COPG2: variants seen among roughly 807,000 people sequenced by gnomAD.
COPG2 encodes the protein coat protein complex I subunit gamma 2, also known as coatomer subunit gamma-2.
COPG2 carries 37 observed loss-of-function variants against 46.3 expected under a neutral mutation model. The observed-to-expected ratio is 0.80, with a 90% CI of 0.61 to 1.05. The LOEUF is 1.05. Among genes scored for constraint, COPG2 ranks in the 50% least tolerant of loss-of-function variants. COPG2 has a pLI of 0.00. For synonymous variants in COPG2, 159 were observed against 129.7 expected, an observed-to-expected ratio of 1.23 and a Z score of -1.53; for missense variants, 427 against 387.8, an observed-to-expected ratio of 1.10 and a Z score of -0.85.
At chr7:130,523,881 G>A (rs1025171782) in intron 20 of COPG2, among the ~76,000 whole-genome samples, 2 of 151,962 alleles carry the variant, frequency 1.3e-5, no homozygotes. Context: ...ACTGACAGGA[G>A]CACCCAGGAG....
intron 4 of COPG2, among the ~76,000 whole-genome samples, chr7:130,655,550 T>C (rs1293195581): frequency 6.6e-6 from 1 of 152,152 alleles, no homozygotes; most frequent in African/African-American, 2.4e-5. Context: ...GATCATGGAA[T>C]CCCTCCCTCT....
rs183828573 is a variant in COPG2 at position 130,610,766 on chromosome 7, C to T, written c.737+187G>A. 7 of 685,350 alleles carry T rather than the reference C, an allele frequency of 1.0e-5. No individual in the cohort carries two copies. The East Asian group carries it at 1.3e-4, about 13-fold the overall frequency. The allele number at this position is 685,350 out of a possible 1,614,324, so 42.5% of individuals were successfully genotyped here. ...TGCTATTAATAATTAAGTACATATA[C>T]AAGAGCATACAGTAAGGTTAAAAAA... On this transcript the variant is annotated intron_variant, in intron 9 of 23. Transcript: ENST00000425248.
intron 14 of COPG2, 22 bp from the exon 15 acceptor site, chr7:130,552,452 T>C: frequency 2.5e-6 from 1 of 398,368 alleles, no homozygotes; most frequent in Non-Finnish European, 4.4e-6. Flanking sequence ...CATACAATTA[T>C]GGTACATAAA....
chr7:130,517,644 A>G (rs1799690371), intron 20 of COPG2, among the ~76,000 whole-genome samples: 1 of 152,186 alleles, frequency 6.6e-6, no homozygotes, highest in African/African-American at 2.4e-5. Flanking sequence ...TTTCTTGAGG[A>G]CTGGTAGGGA....
intron 9 of COPG2, among the ~76,000 whole-genome samples, chr7:130,585,045 C>T (rs931509651): frequency 6.6e-6 from 1 of 151,978 alleles, no homozygotes; most frequent in Admixed American, 6.6e-5. Context: ...CTGGAGGCAT[C>T]ACATTACCTG....
intron 20 of COPG2, among the ~76,000 whole-genome samples, chr7:130,520,367 G>GA (rs1799714421): frequency 1.3e-5 from 2 of 151,978 alleles, no homozygotes; most frequent in African/African-American, 4.8e-5. Flanking sequence ...TTGGTTGGAG[G>GA]AAAAAAATGT....
chr7:130,613,407 AACAC>A, intron 7 of COPG2, 133 bp downstream of exon 7: 3 of 629,838 alleles, frequency 4.8e-6, no homozygotes, highest in African/African-American at 2.1e-5. Context: ...CTCTAGATAA[AACAC>A]ACTTGGATAA....
intron 12 of COPG2, among the ~76,000 whole-genome samples, chr7:130,555,793 G>A (rs1441815389): frequency 6.6e-6 from 1 of 152,064 alleles, no homozygotes; most frequent in African/African-American, 2.4e-5. Flanking sequence ...TCGCACCACT[G>A]CACTCCAGCC....
At position 130,667,470 on chromosome 7, in the gene COPG2, T is replaced by TC; in HGVS notation, c.90+11dup. The stretch of plus-strand genomic sequence containing the variant: ...TAGAAAAGAAAGGGCACAAGATACT[T>TC]CCCAGTCATACCTCCTGTAAAACAG... On this transcript the variant is annotated intron_variant, in intron 2 of 23. Transcript: ENST00000425248. 3.1e-6 allele frequency: 5 copies of TC among 1,610,842 alleles called. No individual in the cohort carries two copies. The highest frequency in any genetic ancestry group is 4.2e-6 in the Non-Finnish European group (5 of 1,177,250).
intron 9 of COPG2, among the ~76,000 whole-genome samples, chr7:130,603,306 T>C (rs1052616652): frequency 2.0e-5 from 3 of 152,240 alleles, no homozygotes; most frequent in Non-Finnish European, 4.4e-5. Flanking sequence ...TGGTGAGATG[T>C]ATTTATGTGA....
At position 130,542,520 on chromosome 7, in the gene COPG2, C is replaced by T. The variant is rs1052505333; in HGVS notation, c.2149+5154G>A. ...TGGCAGTGGTGTCATCAGTGGGGGGCAGGGCAGGAAGGGGTCAGAGTTCAG... is the reference window on the plus strand; with the variant it reads ...TGGCAGTGGTGTCATCAGTGGGGGGTAGGGCAGGAAGGGGTCAGAGTTCAG... On this transcript the variant is annotated intron_variant, in intron 20 of 23. Coordinates refer to ENST00000425248, the MANE Select transcript of COPG2 (RefSeq NM_012133.6). 3.4e-4 allele frequency among the ~76,000 whole-genome samples: 51 copies of T among 151,978 alleles called. No individual in the cohort carries two copies. In the East Asian group the frequency reaches 8.7e-3, roughly 26 times the overall value.
Position 130,631,078 on chromosome 7 carries a change from T to A in COPG2, c.324-14013A>T, listed in dbSNP as rs576823867. ...AAGTGTTTAGAATAGGTGCCTTTAATGTAATTATTGATATGGTTGGGTTGG... is the reference window on the plus strand; with the variant it reads ...AAGTGTTTAGAATAGGTGCCTTTAAAGTAATTATTGATATGGTTGGGTTGG... On this transcript the variant is annotated intron_variant, in intron 5 of 23. Coordinates refer to ENST00000425248, the MANE Select transcript of COPG2 (RefSeq NM_012133.6). Among the ~76,000 whole-genome samples, 108 of 152,314 alleles carry A rather than the reference T, an allele frequency of 7.1e-4. No homozygotes were observed. In the South Asian group the frequency reaches 0.011, roughly 16 times the overall value.
At chr7:130,610,885 G>T (rs781876528) in intron 9 of COPG2, 68 bp downstream of exon 9, 2 of 1,527,038 alleles carry the variant, frequency 1.3e-6, no homozygotes, top group Non-Finnish European at 1.8e-6. Flanking sequence ...ATTCAAAAAG[G>T]AAATAAACTC....
intron 20 of COPG2, among the ~76,000 whole-genome samples, chr7:130,524,914 T>C (rs1357485193): frequency 2.6e-5 from 4 of 152,092 alleles, no homozygotes; most frequent in Non-Finnish European, 4.4e-5. Flanking sequence ...AAACAGCAGA[T>C]GGACTCAGTA....
At chr7:130,542,482 A>C (rs1793349044) in intron 20 of COPG2, among the ~76,000 whole-genome samples, 2 of 152,090 alleles carry the variant, frequency 1.3e-5, no homozygotes, top group African/African-American at 4.8e-5. Context: ...CAGCAGGTTG[A>C]GGACATGGAA....
In COPG2 at chr7:130,603,572, T is replaced by C. The variant is rs2116485715; in HGVS notation, c.737+7381A>G. ...CCGTCTCTACTAAAAATACAAAAAA[T>C]TAGCAGGGTGTGGTGGTGCGTGCCT... On this transcript the variant is annotated intron_variant, in intron 9 of 23. Transcript: ENST00000425248. 3.3e-5 allele frequency among the ~76,000 whole-genome samples: 5 copies of C among 151,762 alleles called. No individual in the cohort carries two copies. The South Asian group carries it at 1.0e-3, about 32-fold the overall frequency.
chr7:130,646,286 G>A (rs1325292242), intron 5 of COPG2, among the ~76,000 whole-genome samples: 5 of 152,188 alleles, frequency 3.3e-5, no homozygotes, highest in Admixed American at 2.6e-4. Context: ...TGCTGAAGAC[G>A]AAGGGCTTCA....
At chr7:130,507,099 C>T (rs782595477) in intron 23 of COPG2, among the ~76,000 whole-genome samples, 175 bp downstream of exon 23, 1 of 152,136 alleles carries the variant, frequency 6.6e-6, no homozygotes, top group Non-Finnish European at 1.5e-5. Context: ...AAATGTACAT[C>T]TTAAAAGAAT....
At chr7:130,642,063 A>C (rs1795500912) in intron 5 of COPG2, among the ~76,000 whole-genome samples, 1 of 151,870 alleles carries the variant, frequency 6.6e-6, no homozygotes, top group African/African-American at 2.4e-5. Context: ...AGAATTCTCA[A>C]TTCTCTCAAT....
Sources: gnomAD v4.1 joint callset for allele counts (sites outside exome capture counted in the v4.1 genomes callset) on GRCh38, gnomAD v4.1.1 for gene constraint, MANE v1.5 for transcripts, NCBI Gene and HGNC (gene_info 2026-07-23, HGNC 2026-07-21) for gene names.